Variants in PPP1R42 observed in about 807,000 individuals in gnomAD.
PPP1R42 encodes the protein protein phosphatase 1 regulatory subunit 42.
PPP1R42 carries 34 observed loss-of-function variants against 31.0 expected under a neutral mutation model. The ratio of observed to expected loss-of-function variants is 1.10; its 90% CI spans 0.83 to 1.46. PPP1R42 has a LOEUF of 1.46. Among genes scored for constraint, PPP1R42 ranks in the 40% most tolerant of loss-of-function variants. The pLI, the probability that PPP1R42 is intolerant of heterozygous loss-of-function variation, is 0.00. For synonymous variants in PPP1R42, 103 were observed against 109.8 expected (o/e 0.94, Z 0.39); for missense variants, 268 against 303.0 (o/e 0.88, Z 0.86).
At chr8:66,982,924 G>A (rs1585643051) in intron 6 of PPP1R42, among the ~76,000 whole-genome samples, 1 of 151,374 alleles carries the variant, frequency 6.6e-6, no homozygotes, top group Non-Finnish European at 1.5e-5. Context: ...CAATAGCCAT[G>A]TGCCACCATG....
intron 1 of PPP1R42, among the ~76,000 whole-genome samples, chr8:67,026,576 C>G (rs1359218343): frequency 6.6e-6 from 1 of 151,332 alleles, no homozygotes; most frequent in Non-Finnish European, 1.5e-5. Context: ...TGGCTCACAC[C>G]TGTAGTCCCA....
chr8:67,012,313 G>A (rs1351494987), intron 4 of PPP1R42, among the ~76,000 whole-genome samples: 1 of 152,176 alleles, frequency 6.6e-6, no homozygotes, highest in Non-Finnish European at 1.5e-5. Context: ...TCCTGCCCCA[G>A]AATTAAAGTT....
chr8:66,981,584 T>G (rs2130923559), intron 7 of PPP1R42, among the ~76,000 whole-genome samples: 1 of 152,154 alleles, frequency 6.6e-6, no homozygotes, highest in African/African-American at 2.4e-5. Flanking sequence ...TTTCATCATG[T>G]TGGCCAGGAT....
chr8:67,005,813 A>C (rs977143811), intron 5 of PPP1R42, among the ~76,000 whole-genome samples: 3 of 151,096 alleles, frequency 2.0e-5, no homozygotes, highest in Non-Finnish European at 3.0e-5. Flanking sequence ...AATTCTTGAA[A>C]CTCATTCTTC....
intron 7 of PPP1R42, among the ~76,000 whole-genome samples, chr8:66,976,833 C>G (rs1814690263): frequency 6.6e-6 from 1 of 152,142 alleles, no homozygotes; most frequent in Admixed American, 6.6e-5. Flanking sequence ...AATTCTGTAT[C>G]TTGGCTATTG....
chr8:67,008,606 G>A (rs1235940869), intron 5 of PPP1R42, among the ~76,000 whole-genome samples: 1 of 151,998 alleles, frequency 6.6e-6, no homozygotes, highest in East Asian at 1.9e-4. Flanking sequence ...TACTCGAGAG[G>A]CTGAGGAAGG....
intron 5 of PPP1R42, among the ~76,000 whole-genome samples, chr8:66,991,251 A>C (rs775903112): frequency 9.2e-5 from 14 of 152,312 alleles, no homozygotes; most frequent in Middle Eastern, 3.4e-3. Flanking sequence ...AGTGTCAGCA[A>C]GCTATATAAT....
chr8:67,013,107 T>C lies in PPP1R42; in HGVS notation c.297-11A>G, dbSNP rs777420770. 3.2e-6 allele frequency: 5 copies of C among 1,582,280 alleles called. No homozygotes were observed. In the South Asian group the frequency reaches 4.8e-5, roughly 15 times the overall value. On this transcript the variant is annotated splice_polypyrimidine_tract_variant and intron_variant, in intron 3 of 7. Coordinates refer to ENST00000685739, the MANE Select transcript of PPP1R42 (RefSeq NM_001364910.1). ...TTGCCTCCCAGATACCTGCAAAACA[T>C]AGACATAATTCTAAACAGACATTCT... is the stretch of plus-strand genomic sequence containing the variant.
At chr8:67,019,375 G>A (rs1816135106) in intron 1 of PPP1R42, among the ~76,000 whole-genome samples, 1 of 149,170 alleles carries the variant, frequency 6.7e-6, no homozygotes. Flanking sequence ...CGAGTAGCTG[G>A]GATTACAGGC....
chr8:66,984,926 C>T, intron 6 of PPP1R42: 1 of 1,525,018 alleles, frequency 6.6e-7, no homozygotes, highest in Admixed American at 1.7e-5. Flanking sequence ...CCCAAAGTAA[C>T]TGGTGTGTCA....
intron 6 of PPP1R42, chr8:66,988,168 T>A (rs1815082899): frequency 8.8e-6 from 10 of 1,133,740 alleles, no homozygotes; most frequent in East Asian, 4.6e-5. Flanking sequence ...TAGCAAAATA[T>A]CCTCCTTAAG....
chr8:67,011,309 C>T (rs1321387784), intron 4 of PPP1R42, among the ~76,000 whole-genome samples: 6 of 152,084 alleles, frequency 3.9e-5, no homozygotes, highest in Non-Finnish European at 8.8e-5. Flanking sequence ...GCGGATCACT[C>T]GAGGTCAGGA....
At chr8:66,990,039 T>A (rs190061284) in intron 5 of PPP1R42, among the ~76,000 whole-genome samples, 1 of 152,236 alleles carries the variant, frequency 6.6e-6, no homozygotes, top group Non-Finnish European at 1.5e-5. Flanking sequence ...AAATAAGTAG[T>A]TGACTTTTTA....
At chr8:66,970,383 A>T (rs1043326007) in intron 7 of PPP1R42, among the ~76,000 whole-genome samples, 53 of 151,830 alleles carry the variant, frequency 3.5e-4, no homozygotes, top group Admixed American at 2.0e-4. Flanking sequence ...TGATCTGCCC[A>T]CCTAAGCCTC....
chr8:67,020,686 C>T (rs1005980973), intron 1 of PPP1R42, among the ~76,000 whole-genome samples: 7 of 152,202 alleles, frequency 4.6e-5, no homozygotes, highest in African/African-American at 9.7e-5. Flanking sequence ...GTACCTGGTA[C>T]ATAGGTCAAT....
At chr8:66,968,411 T>G (rs907265693) in intron 7 of PPP1R42, 21 of 948,256 alleles carry the variant, frequency 2.2e-5, no homozygotes, top group Middle Eastern at 5.3e-4. Flanking sequence ...TACCTTTAGC[T>G]TTTTGGAAGA....
At chr8:66,988,793 A>G (rs1815103410) in intron 5 of PPP1R42, among the ~76,000 whole-genome samples, 1 of 152,208 alleles carries the variant, frequency 6.6e-6, no homozygotes, top group Non-Finnish European at 1.5e-5. Context: ...TGCAGCTCAG[A>G]AAAAACTTTT....
intron 4 of PPP1R42, 34 bp from the exon 5 acceptor site, chr8:67,010,865 A>G (rs1024487358): frequency 1.3e-6 from 2 of 1,529,084 alleles, no homozygotes; most frequent in Non-Finnish European, 1.8e-6. Context: ...GCATTAGTAA[A>G]TAGTCTAAAT....
chr8:67,001,109 G>A (rs552728543), intron 5 of PPP1R42, among the ~76,000 whole-genome samples: 2 of 150,880 alleles, frequency 1.3e-5, no homozygotes, highest in East Asian at 3.9e-4. Flanking sequence ...TTATATTAAT[G>A]TAGCCATTTC....
Sources: allele counts gnomAD v4.1 joint callset (sites outside exome capture counted in the v4.1 genomes callset), GRCh38; gene constraint gnomAD v4.1.1; transcripts MANE v1.5; gene names NCBI Gene and HGNC (gene_info 2026-07-23, HGNC 2026-07-21).